The following SLC35F4 variants were observed in gnomAD, a reference collection of about 807,000 sequenced individuals.
SLC35F4 encodes the protein solute carrier family 35 member F4, also known as chromosome 14 open reading frame 36.
SLC35F4 carries 24 observed loss-of-function variants against 44.2 expected under a neutral mutation model. That is an observed-to-expected ratio of 0.54 (90% CI 0.39 to 0.76). SLC35F4 has a LOEUF of 0.76. Ranked by LOEUF, SLC35F4 falls within the 30% of genes least tolerant of loss-of-function variation. The pLI is 0.00. For synonymous variants in SLC35F4, 238 were observed against 223.6 expected (o/e 1.06, Z -0.57); for missense variants, 562 against 586.1 (o/e 0.96, Z 0.42).
At chr14:57,889,761 C>A (rs561582923) in intron 1 of SLC35F4, among the ~76,000 whole-genome samples, 1 of 152,064 alleles carries the variant, frequency 6.6e-6, no homozygotes, top group Non-Finnish European at 1.5e-5. Context: ...AAAATGAATG[C>A]CTTTGTTATA....
intron 1 of SLC35F4, among the ~76,000 whole-genome samples, chr14:57,644,932 G>A (rs900303100): frequency 2.0e-5 from 3 of 152,138 alleles, no homozygotes; most frequent in African/African-American, 7.2e-5. Context: ...GATAGTTGTA[G>A]ATATGTGGCA....
At chr14:57,681,714 C>A (rs2074910085) in intron 1 of SLC35F4, among the ~76,000 whole-genome samples, 1 of 152,002 alleles carries the variant, frequency 6.6e-6, no homozygotes, top group Non-Finnish European at 1.5e-5. Context: ...GAACAGGAAC[C>A]TACAGAATGG....
intron 1 of SLC35F4, among the ~76,000 whole-genome samples, chr14:57,766,611 G>A (rs146841736): frequency 2.6e-5 from 4 of 152,310 alleles, no homozygotes; most frequent in African/African-American, 9.6e-5. Flanking sequence ...ACAGTCAGGT[G>A]CCTGAGGCTT....
intron 1 of SLC35F4, among the ~76,000 whole-genome samples, chr14:57,977,291 G>A (rs1881246419): frequency 6.6e-6 from 1 of 152,192 alleles, no homozygotes; most frequent in Non-Finnish European, 1.5e-5. Flanking sequence ...GAAGTGTGGT[G>A]CAGGCTGCTC....
chr14:57,965,190 T>C (rs1890416026), intron 1 of SLC35F4, among the ~76,000 whole-genome samples: 1 of 152,054 alleles, frequency 6.6e-6, no homozygotes, highest in South Asian at 2.1e-4. Flanking sequence ...AATTCTGCAT[T>C]CCTGTCCGGA....
At chr14:57,913,526 C>T (rs1000700126) in intron 1 of SLC35F4, among the ~76,000 whole-genome samples, 1 of 152,088 alleles carries the variant, frequency 6.6e-6, no homozygotes, top group Non-Finnish European at 1.5e-5. Flanking sequence ...CACTATACTA[C>T]TTTACAGGTT....
chr14:57,705,507 A>G (rs2140380621), intron 1 of SLC35F4, among the ~76,000 whole-genome samples: 1 of 152,256 alleles, frequency 6.6e-6, no homozygotes, highest in South Asian at 2.1e-4. Context: ...TGGGCTTTCT[A>G]ACTCTCTGAC....
intron 1 of SLC35F4, among the ~76,000 whole-genome samples, chr14:57,832,154 A>T (rs1200125246): frequency 6.6e-6 from 1 of 152,192 alleles, no homozygotes; most frequent in African/African-American, 2.4e-5. Flanking sequence ...GCTAGGAGGC[A>T]CATACAGCCT....
chr14:57,748,112 A>G (rs535958623), intron 1 of SLC35F4, among the ~76,000 whole-genome samples: 1 of 152,334 alleles, frequency 6.6e-6, no homozygotes, highest in African/African-American at 2.4e-5. Context: ...CCAAGAAAAC[A>G]TCATAGAAAT....
At chr14:57,898,541 T>C (rs1024978939) in intron 1 of SLC35F4, among the ~76,000 whole-genome samples, 3 of 152,228 alleles carry the variant, frequency 2.0e-5, no homozygotes, top group African/African-American at 7.2e-5. Flanking sequence ...AGCAGACCCA[T>C]GAAAACATCT....
chr14:57,650,396 A>C (rs1339880131), intron 1 of SLC35F4, among the ~76,000 whole-genome samples: 1 of 152,080 alleles, frequency 6.6e-6, no homozygotes, highest in Non-Finnish European at 1.5e-5. Flanking sequence ...TTTACATCTC[A>C]ACAAATAGCA....
chr14:57,683,765 C>T (rs2074980564), intron 1 of SLC35F4, among the ~76,000 whole-genome samples: 1 of 152,150 alleles, frequency 6.6e-6, no homozygotes. Flanking sequence ...GACTCCCTCC[C>T]TGGTCATAGA....
At chr14:57,927,806 TCTAA>T (rs1889611157) in intron 1 of SLC35F4, among the ~76,000 whole-genome samples, 1 of 152,108 alleles carries the variant, frequency 6.6e-6, no homozygotes, top group East Asian at 1.9e-4. Context: ...CTTTTTATTC[TCTAA>T]CTATTACAGA....
intron 5 of SLC35F4, 49 bp downstream of exon 5, chr14:57,571,845 G>T: frequency 6.3e-7 from 1 of 1,585,756 alleles, no homozygotes. Context: ...TAGTACTCAA[G>T]TCTAAGTTAT....
chr14:57,660,421 T>G (rs1157546740), intron 1 of SLC35F4, among the ~76,000 whole-genome samples: 1 of 151,676 alleles, frequency 6.6e-6, no homozygotes, highest in Admixed American at 6.6e-5. Flanking sequence ...TCCATCATGC[T>G]TCCTCAAATA....
intron 1 of SLC35F4, among the ~76,000 whole-genome samples, chr14:57,770,116 C>T (rs1421258181): frequency 1.3e-5 from 2 of 152,108 alleles, no homozygotes; most frequent in African/African-American, 4.8e-5. Context: ...CAGGTGACTC[C>T]TCTGGATCAG....
intron 1 of SLC35F4, among the ~76,000 whole-genome samples, chr14:57,730,982 T>C (rs1413297189): frequency 1.3e-5 from 2 of 152,178 alleles, no homozygotes; most frequent in Non-Finnish European, 2.9e-5. Context: ...ATAGGTAGAA[T>C]TGCCAAGGGA....
chr14:57,679,743 C>T (rs995620377), intron 1 of SLC35F4, among the ~76,000 whole-genome samples: 1 of 152,036 alleles, frequency 6.6e-6, no homozygotes, highest in African/African-American at 2.4e-5. Context: ...ATACTATAAA[C>T]ACCTCTATGC....
At chr14:57,627,828 A>G (rs916618485) in intron 1 of SLC35F4, among the ~76,000 whole-genome samples, 4 of 151,956 alleles carry the variant, frequency 2.6e-5, no homozygotes, top group Non-Finnish European at 5.9e-5. Context: ...AATGCCTCCA[A>G]TGTTTTAGTC....
Sources: gnomAD v4.1 joint callset for allele counts (sites outside exome capture counted in the v4.1 genomes callset) on GRCh38, gnomAD v4.1.1 for gene constraint, MANE v1.5 for transcripts, NCBI Gene and HGNC (gene_info 2026-07-23, HGNC 2026-07-21) for gene names.